Variants in ROR1 observed in about 807,000 individuals in gnomAD.
ROR1 encodes inactive tyrosine-protein kinase transmembrane receptor ROR1.
A neutral mutation model predicts 78.8 loss-of-function variants in ROR1; 19 were observed. That is an observed-to-expected ratio of 0.24 (90% CI 0.17 to 0.35). ROR1 has a LOEUF of 0.35. Ranked by LOEUF, ROR1 falls within the 10% of genes least tolerant of loss-of-function variation. The pLI is 1.00. For missense variants in ROR1, 917 were observed against 1,177.8 expected (o/e 0.78, Z 3.24); for synonymous variants, 386 against 433.6 (o/e 0.89, Z 1.36).
At chr1:63,920,671 A>G (rs912415190) in intron 1 of ROR1, among the ~76,000 whole-genome samples, 1 of 152,156 alleles carries the variant, frequency 6.6e-6, no homozygotes, top group African/African-American at 2.4e-5. Context: ...CAACACTGAT[A>G]ATCTGTCAGC....
chr1:63,969,499 T>A (rs1173480078), intron 1 of ROR1, among the ~76,000 whole-genome samples: 1 of 152,122 alleles, frequency 6.6e-6, no homozygotes, highest in Non-Finnish European at 1.5e-5. Flanking sequence ...ATAGTTCCCC[T>A]TGGCAGTCTA....
At chr1:63,924,597 A>G (rs1397483852) in intron 1 of ROR1, among the ~76,000 whole-genome samples, 1 of 152,158 alleles carries the variant, frequency 6.6e-6, no homozygotes, top group African/African-American at 2.4e-5. Context: ...AGTTATTTGA[A>G]AAGAGCTCAC....
intron 1 of ROR1, among the ~76,000 whole-genome samples, chr1:63,846,875 G>A (rs2100324051): frequency 6.6e-6 from 1 of 152,348 alleles, no homozygotes; most frequent in Non-Finnish European, 1.5e-5. Context: ...TTACTGCAGA[G>A]CAAGGACTCT....
intron 4 of ROR1, among the ~76,000 whole-genome samples, chr1:64,127,682 T>C (rs1316352543): frequency 6.6e-6 from 1 of 152,184 alleles, no homozygotes; most frequent in Non-Finnish European, 1.5e-5. Flanking sequence ...GGTAATTTTT[T>C]TGATGTCTAC....
At chr1:64,115,620 A>G (rs1363691420) in intron 4 of ROR1, among the ~76,000 whole-genome samples, 1 of 150,464 alleles carries the variant, frequency 6.6e-6, no homozygotes, top group African/African-American at 2.4e-5. Flanking sequence ...GTGTATATAT[A>G]TATATCACTT....
At chr1:63,939,261 C>T (rs1297829195) in intron 1 of ROR1, among the ~76,000 whole-genome samples, 1 of 152,062 alleles carries the variant, frequency 6.6e-6, no homozygotes, top group East Asian at 1.9e-4. Context: ...AATCCCCATG[C>T]CCAGGTCAGC....
At chr1:63,960,501 A>T (rs1321904536) in intron 1 of ROR1, among the ~76,000 whole-genome samples, 1 of 152,188 alleles carries the variant, frequency 6.6e-6, no homozygotes, top group Non-Finnish European at 1.5e-5. Flanking sequence ...TTGAATAGGA[A>T]CAGGTCCTTG....
intron 1 of ROR1, among the ~76,000 whole-genome samples, chr1:63,956,674 G>A (rs61432607): frequency 2.5e-3 from 379 of 152,234 alleles, no homozygotes; most frequent in African/African-American, 8.9e-3. Context: ...AATGCTTGTG[G>A]AACCAACTCT....
At chr1:63,936,934 A>G (rs186459952) in intron 1 of ROR1, among the ~76,000 whole-genome samples, 5 of 152,274 alleles carry the variant, frequency 3.3e-5, no homozygotes, top group Admixed American at 2.0e-4. Context: ...TGTTGACTCA[A>G]TGAGGCAATC....
intron 1 of ROR1, among the ~76,000 whole-genome samples, chr1:63,852,541 G>T (rs1240558532): frequency 6.6e-6 from 1 of 152,124 alleles, no homozygotes; most frequent in Non-Finnish European, 1.5e-5. Flanking sequence ...AAATTTCATG[G>T]TTTTTAGACT....
intron 4 of ROR1, among the ~76,000 whole-genome samples, chr1:64,093,620 T>C (rs77537071): frequency 0.021 from 3,136 of 152,046 alleles, 100 homozygotes; most frequent in African/African-American, 0.072. Flanking sequence ...TAAGCACTTC[T>C]AGGGAACCCT....
intron 2 of ROR1, among the ~76,000 whole-genome samples, chr1:64,039,712 A>T (rs755590960): frequency 1.3e-5 from 2 of 152,188 alleles, no homozygotes; most frequent in Non-Finnish European, 2.9e-5. Flanking sequence ...AATCACAGAG[A>T]TGACTTATGA....
At chr1:64,002,404 G>C (rs139731804) in intron 1 of ROR1, among the ~76,000 whole-genome samples, 5 of 152,248 alleles carry the variant, frequency 3.3e-5, no homozygotes, top group African/African-American at 1.2e-4. Flanking sequence ...GATTACAGGC[G>C]TGAGCCATTG....
intron 1 of ROR1, among the ~76,000 whole-genome samples, chr1:63,916,584 G>A (rs1217063644): frequency 6.6e-6 from 1 of 152,222 alleles, no homozygotes; most frequent in Non-Finnish European, 1.5e-5. Flanking sequence ...CATTGTGCCA[G>A]TGTAATTTGC....
At chr1:63,960,064 G>A (rs1312052544) in intron 1 of ROR1, among the ~76,000 whole-genome samples, 1 of 152,138 alleles carries the variant, frequency 6.6e-6, no homozygotes, top group Non-Finnish European at 1.5e-5. Context: ...TATCACACTG[G>A]GTCATCAGAG....
At chr1:63,821,710 G>T (rs538557471) in intron 1 of ROR1, among the ~76,000 whole-genome samples, 2 of 152,260 alleles carry the variant, frequency 1.3e-5, no homozygotes, top group South Asian at 2.1e-4. Flanking sequence ...CAGTTATGAG[G>T]AAAACAGAAA....
chr1:63,955,528 A>T (rs897416949), intron 1 of ROR1, among the ~76,000 whole-genome samples: 3 of 152,208 alleles, frequency 2.0e-5, no homozygotes, highest in African/African-American at 7.2e-5. Context: ...TTATTAATTT[A>T]AAAATAATGA....
intron 1 of ROR1, among the ~76,000 whole-genome samples, chr1:63,873,335 T>C (rs1645263687): frequency 1.3e-5 from 2 of 152,214 alleles, no homozygotes; most frequent in South Asian, 4.1e-4. Context: ...TTTCTTGTTG[T>C]TGTTGGGAGA....
intron 1 of ROR1, among the ~76,000 whole-genome samples, chr1:63,949,804 C>T (rs1645919979): frequency 6.6e-6 from 1 of 152,138 alleles, no homozygotes; most frequent in African/African-American, 2.4e-5. Flanking sequence ...GTTTTTCCTT[C>T]TTGAATGCCC....
Sources: allele counts gnomAD v4.1 joint callset (sites outside exome capture counted in the v4.1 genomes callset), GRCh38; gene constraint gnomAD v4.1.1; transcripts MANE v1.5; gene names NCBI Gene and HGNC (gene_info 2026-07-23, HGNC 2026-07-21).